The following DDC variants were observed in gnomAD, a reference collection of about 807,000 sequenced individuals.
DDC encodes the protein dopa decarboxylase, also known as aromatic-L-amino-acid decarboxylase.
In DDC, 43 loss-of-function variants were observed where a neutral mutation model predicts 60.0. The ratio of observed to expected loss-of-function variants is 0.72; its 90% CI spans 0.56 to 0.92. The LOEUF (loss-of-function observed/expected upper bound fraction) is 0.92. Ranked by LOEUF, DDC falls within the 40% of genes least tolerant of loss-of-function variation. The pLI is 0.00. For missense variants in DDC, 573 were observed against 620.2 expected, an observed-to-expected ratio of 0.92 and a Z score of 0.81; for synonymous variants, 232 against 234.6, an observed-to-expected ratio of 0.99 and a Z score of 0.10.
At position 50,544,058 on chromosome 7, in the gene DDC, C is replaced by T. The variant is rs1563044827; in HGVS notation, c.28G>A (p.Gly10Arg). 1.2e-6 allele frequency: 2 copies of T among 1,614,084 alleles called. No homozygotes were observed. Among genetic ancestry groups the T allele is most frequent in the South Asian group, 1.1e-5 (1 of 91,062 alleles). Residue 10 changes from glycine (G) to arginine (R), a missense_variant, in exon 2 of 15, where the codon GGG (glycine) becomes AGG (arginine). Transcript: ENST00000444124. ...GCCATGTAATCCACCATCTCCTTCC[C>T]TCTCCTTCGGAATTCACTTGCGTTC... is the stretch of plus-strand genomic sequence containing the variant. MNASEFRRR[G>R]KEMVDYMANY...
At chr7:50,557,523 C>T (rs1258355051) in intron 1 of DDC, among the ~76,000 whole-genome samples, 2 of 152,180 alleles carry the variant, frequency 1.3e-5, no homozygotes, top group South Asian at 2.1e-4. Flanking sequence ...GACTGGGGAT[C>T]CTTTTTTCAC....
intron 11 of DDC, among the ~76,000 whole-genome samples, chr7:50,474,005 G>A (rs1165331045): frequency 6.6e-6 from 1 of 152,174 alleles, no homozygotes; most frequent in Non-Finnish European, 1.5e-5. Context: ...GGTTGGAAAG[G>A]GAGTGCCAGT....
intron 1 of DDC, among the ~76,000 whole-genome samples, chr7:50,560,374 A>G (rs550832480): frequency 6.6e-6 from 1 of 152,214 alleles, no homozygotes; most frequent in South Asian, 2.1e-4. Context: ...GCAGCAGACC[A>G]CTCAGCAGCA....
At chr7:50,538,185 C>T (rs1226423170) in intron 3 of DDC, among the ~76,000 whole-genome samples, 1 of 152,020 alleles carries the variant, frequency 6.6e-6, no homozygotes, top group Non-Finnish European at 1.5e-5. Context: ...CCATAATGAA[C>T]CTTACTCCAC....
chr7:50,461,844 A>T (rs1302969364), intron 14 of DDC, among the ~76,000 whole-genome samples: 1 of 152,176 alleles, frequency 6.6e-6, no homozygotes, highest in Non-Finnish European at 1.5e-5. Flanking sequence ...CTCAGACCCC[A>T]GGTCTTTCTC....
At chr7:50,461,008 C>T (rs2042260842) in intron 14 of DDC, among the ~76,000 whole-genome samples, 1 of 149,626 alleles carries the variant, frequency 6.7e-6, no homozygotes, top group African/African-American at 2.5e-5. Flanking sequence ...ATGACCCTGC[C>T]AAATCCCCCT....
At chr7:50,486,238 T>A (rs937160021) in intron 9 of DDC, among the ~76,000 whole-genome samples, 1 of 152,214 alleles carries the variant, frequency 6.6e-6, no homozygotes, top group Non-Finnish European at 1.5e-5. Context: ...CATCTTTTTG[T>A]TTGTATTTGT....
intron 4 of DDC, among the ~76,000 whole-genome samples, chr7:50,534,366 G>A (rs1563035099): frequency 6.6e-6 from 1 of 152,190 alleles, no homozygotes; most frequent in Non-Finnish European, 1.5e-5. Context: ...GGAGGCCGAG[G>A]TGGGTGGATC....
At chr7:50,565,013 A>G (rs1215539852) in intron 1 of DDC, among the ~76,000 whole-genome samples, 1 of 152,300 alleles carries the variant, frequency 6.6e-6, no homozygotes, top group East Asian at 1.9e-4. Flanking sequence ...TCTGGCCCGC[A>G]TTTGCTACTG....
At chr7:50,535,208 G>A (rs1418070049) in intron 4 of DDC, among the ~76,000 whole-genome samples, 1 of 151,728 alleles carries the variant, frequency 6.6e-6, no homozygotes, top group African/African-American at 2.4e-5. Flanking sequence ...CCAGGCTGGA[G>A]TGCAATGGCA....
chr7:50,492,684 ATTTTCCAAATGGCC>A, intron 9 of DDC: 2 of 1,202,906 alleles, frequency 1.7e-6, no homozygotes, highest in Middle Eastern at 3.2e-4. Flanking sequence ...CTACAAGGAA[ATTTTCCAAATGGCC>A]TTTTCCAAAT....
chr7:50,502,648 G>A (rs1394761813), intron 7 of DDC, among the ~76,000 whole-genome samples: 1 of 152,200 alleles, frequency 6.6e-6, no homozygotes, highest in Non-Finnish European at 1.5e-5. Context: ...TCTTACAGCT[G>A]TGTGCCACAG....
At chr7:50,547,717 T>C (rs945569053) in intron 1 of DDC, among the ~76,000 whole-genome samples, 2 of 152,246 alleles carry the variant, frequency 1.3e-5, no homozygotes, top group Admixed American at 6.5e-5. Context: ...ACCCTGATTC[T>C]ATGTATTAGC....
intron 6 of DDC, among the ~76,000 whole-genome samples, chr7:50,504,586 T>A (rs1168287150): frequency 6.6e-6 from 1 of 151,472 alleles, no homozygotes; most frequent in Non-Finnish European, 1.5e-5. Flanking sequence ...AGTGTATATA[T>A]TTTATTTTCT....
At chr7:50,473,856 G>C (rs17634771) in intron 11 of DDC, among the ~76,000 whole-genome samples, 12,000 of 152,324 alleles carry the variant, frequency 0.079, 622 homozygotes, top group South Asian at 0.14. Flanking sequence ...GAGGATCGAG[G>C]TGTCTCAGGT....
At chr7:50,560,218 A>G (rs1471007817) in intron 1 of DDC, among the ~76,000 whole-genome samples, 4 of 152,060 alleles carry the variant, frequency 2.6e-5, no homozygotes, top group Non-Finnish European at 5.9e-5. Flanking sequence ...CACCTTTTGG[A>G]GGGGAAACTC....
At chr7:50,517,836 A>AT (rs2043774539) in intron 6 of DDC, among the ~76,000 whole-genome samples, 1 of 151,510 alleles carries the variant, frequency 6.6e-6, no homozygotes, top group African/African-American at 2.4e-5. Context: ...AAAAAAAAAA[A>AT]AAAAAAAAAA....
At position 50,536,059 on chromosome 7, in the gene DDC, A is replaced by C. The variant is rs543410918; in HGVS notation, c.435+1801T>G. 9.2e-5 allele frequency among the ~76,000 whole-genome samples: 14 copies of C among 152,294 alleles called. 1 individual carries two copies. The South Asian group carries it at 2.9e-3, about 32-fold the overall frequency. ...CAAACCTGCCTCCCATTCTATTCCT[A>C]AAAGAGATAGCTACTAAGATAAAAA... On this transcript the variant is annotated intron_variant, in intron 4 of 14. Transcript: ENST00000444124.
At chr7:50,468,438 C>CA (rs1329236255) in intron 12 of DDC, among the ~76,000 whole-genome samples, 2 of 152,116 alleles carry the variant, frequency 1.3e-5, no homozygotes, top group South Asian at 2.1e-4. Context: ...TTTCTTTCCC[C>CA]AAAAAAGCTG....
Sources: gnomAD v4.1 joint callset for allele counts (sites outside exome capture counted in the v4.1 genomes callset) on GRCh38, gnomAD v4.1.1 for gene constraint, MANE v1.5 for transcripts, NCBI Gene and HGNC (gene_info 2026-07-23, HGNC 2026-07-21) for gene names.